The following TANGO6 variants were observed in gnomAD, a reference collection of about 807,000 sequenced individuals.
TANGO6 encodes the protein transport and golgi organization 6 homolog, also known as transport and Golgi organization protein 6 homolog.
Under a neutral mutation model 114.2 loss-of-function variants are expected in TANGO6, and 90 were observed. That is an observed-to-expected ratio of 0.79 (90% confidence interval 0.66 to 0.94). The LOEUF is 0.94. Ranked by LOEUF, TANGO6 falls within the 40% of genes least tolerant of loss-of-function variation. The pLI is 0.00. For synonymous variants in TANGO6, 477 were observed against 509.8 expected, an observed-to-expected ratio of 0.94 and a Z score of 0.87; for missense variants, 1,274 against 1,315.3, an observed-to-expected ratio of 0.97 and a Z score of 0.49.
intron 14 of TANGO6, among the ~76,000 whole-genome samples, chr16:68,953,408 A>G (rs915279087): frequency 1.3e-5 from 2 of 152,136 alleles, no homozygotes; most frequent in African/African-American, 2.4e-5. Flanking sequence ...GAGCACTGCT[A>G]TGTTTGAGGG....
chr16:68,896,727 A>G (rs1177973792), intron 7 of TANGO6, among the ~76,000 whole-genome samples: 2 of 152,178 alleles, frequency 1.3e-5, no homozygotes, highest in Admixed American at 6.6e-5. Context: ...TTGTGTATAG[A>G]TCAAGGAGAG....
intron 17 of TANGO6, among the ~76,000 whole-genome samples, chr16:69,062,288 A>T (rs1960129882): frequency 6.6e-6 from 1 of 152,050 alleles, no homozygotes; most frequent in Non-Finnish European, 1.5e-5. Context: ...TCATAGGCAA[A>T]GTCTATAAAA....
At chr16:69,002,309 A>G (rs541034013) in intron 15 of TANGO6, among the ~76,000 whole-genome samples, 1 of 152,256 alleles carries the variant, frequency 6.6e-6, no homozygotes, top group East Asian at 1.9e-4. Flanking sequence ...TAATTTATAT[A>G]TATATATAAA....
At chr16:69,020,896 A>T (rs1959388949) in intron 15 of TANGO6, among the ~76,000 whole-genome samples, 1 of 78,090 alleles carries the variant, frequency 1.3e-5, no homozygotes, top group African/African-American at 5.1e-5. Flanking sequence ...CCCTTTATAT[A>T]TGTATGTATG....
chr16:68,867,461 G>A, intron 4 of TANGO6: 1 of 427,914 alleles, frequency 2.3e-6, no homozygotes, highest in Non-Finnish European at 4.2e-6. Flanking sequence ...GAACAATATT[G>A]TAAGCCATTT....
intron 14 of TANGO6, among the ~76,000 whole-genome samples, chr16:68,935,120 A>G (rs918356761): frequency 3.9e-5 from 6 of 152,200 alleles, no homozygotes; most frequent in Non-Finnish European, 8.8e-5. Flanking sequence ...TCCCACCTGC[A>G]TTGCCAGTGT....
chr16:69,064,048 G>T (rs1367713755), intron 17 of TANGO6, among the ~76,000 whole-genome samples: 3 of 151,956 alleles, frequency 2.0e-5, no homozygotes, highest in East Asian at 3.9e-4. Context: ...TGTTGGCCAG[G>T]CTGGTCTCAA....
intron 15 of TANGO6, among the ~76,000 whole-genome samples, chr16:68,987,130 T>C (rs1184759275): frequency 6.9e-6 from 1 of 144,652 alleles, no homozygotes; most frequent in Non-Finnish European, 1.5e-5. Context: ...TCAACCATTT[T>C]TCTGTGGATG....
At chr16:68,938,470 G>C (rs1441457553) in intron 14 of TANGO6, among the ~76,000 whole-genome samples, 1 of 152,142 alleles carries the variant, frequency 6.6e-6, no homozygotes, top group African/African-American at 2.4e-5. Context: ...CAGGCTTATA[G>C]GGAATTATAT....
intron 1 of TANGO6, among the ~76,000 whole-genome samples, chr16:68,844,443 A>G (rs995337069): frequency 6.6e-6 from 1 of 152,040 alleles, no homozygotes. Flanking sequence ...AGGGGCTCTG[A>G]TGTTATCTGG....
intron 5 of TANGO6, among the ~76,000 whole-genome samples, chr16:68,877,354 G>T (rs1286795399): frequency 2.0e-5 from 3 of 151,460 alleles, no homozygotes; most frequent in Admixed American, 6.6e-5. Context: ...TGTAATCCCA[G>T]CTACTTGGGA....
At chr16:68,871,768 C>T (rs1462410179) in intron 4 of TANGO6, among the ~76,000 whole-genome samples, 8 of 152,096 alleles carry the variant, frequency 5.3e-5, no homozygotes, top group South Asian at 2.1e-4. Context: ...TACAGGCATG[C>T]GCCACCACAC....
chr16:69,024,768 C>T (rs1959471573), intron 16 of TANGO6, among the ~76,000 whole-genome samples: 1 of 152,014 alleles, frequency 6.6e-6, no homozygotes, highest in Non-Finnish European at 1.5e-5. Flanking sequence ...AAGAAGATGC[C>T]TTATAAATTA....
chr16:68,883,632 A>G (rs529234023), intron 7 of TANGO6, among the ~76,000 whole-genome samples: 1 of 152,276 alleles, frequency 6.6e-6, no homozygotes, highest in African/African-American at 2.4e-5. Context: ...TGTAAACATT[A>G]TTGTGTATAT....
chr16:68,868,209 C>T (rs1349146993), intron 4 of TANGO6, among the ~76,000 whole-genome samples: 1 of 151,082 alleles, frequency 6.6e-6, no homozygotes, highest in African/African-American at 2.4e-5. Flanking sequence ...CTTTGAGATG[C>T]AAACTTTGGG....
chr16:68,843,578 G>A lies in TANGO6; in HGVS notation c.-40G>A. On this transcript the variant is annotated 5_prime_UTR_variant, in exon 1 of 18. Transcript: ENST00000261778. ...ATGGCGGCGGCGGCGCCCTGCCGAG[G>A]CGCCTGAGCGGGTCGCGAGCGTGGT... 1 of 1,593,616 alleles carries A rather than the reference G, an allele frequency of 6.3e-7. No individual in the cohort carries two copies. The highest frequency in any genetic ancestry group is 8.6e-7 in the Non-Finnish European group (1 of 1,167,416).
At chr16:69,072,907 A>G (rs1158643601) in intron 17 of TANGO6, among the ~76,000 whole-genome samples, 2 of 152,006 alleles carry the variant, frequency 1.3e-5, no homozygotes, top group Non-Finnish European at 2.9e-5. Flanking sequence ...TTTGAATGTT[A>G]GGAGGCTCTA....
intron 17 of TANGO6, among the ~76,000 whole-genome samples, chr16:69,081,640 TCA>T (rs1317378323): frequency 1.3e-5 from 2 of 151,934 alleles, no homozygotes; most frequent in Non-Finnish European, 2.9e-5. Flanking sequence ...ACACCCGGCC[TCA>T]GTTCCCTTAT....
At chr16:68,894,102 A>G (rs1646426182) in intron 7 of TANGO6, among the ~76,000 whole-genome samples, 1 of 152,230 alleles carries the variant, frequency 6.6e-6, no homozygotes, top group South Asian at 2.1e-4. Flanking sequence ...GTATGATTTC[A>G]TGGGAAGGAT....
Sources: allele counts gnomAD v4.1 joint callset (sites outside exome capture counted in the v4.1 genomes callset), GRCh38; gene constraint gnomAD v4.1.1; transcripts MANE v1.5; gene names NCBI Gene and HGNC (gene_info 2026-07-23, HGNC 2026-07-21).